RUNX2: variants seen among roughly 807,000 people sequenced by gnomAD.
RUNX2 encodes the protein runt-related transcription factor 2.
A neutral mutation model predicts 51.7 loss-of-function variants in RUNX2; 10 were observed. The ratio of observed to expected loss-of-function variants is 0.19; its 90% CI spans 0.12 to 0.33. The LOEUF (loss-of-function observed/expected upper bound fraction) is 0.33. Among genes scored for constraint, RUNX2 ranks in the 10% least tolerant of loss-of-function variants. RUNX2 has a pLI of 1.00. For missense variants in RUNX2, 562 were observed against 691.3 expected (o/e 0.81, Z 2.10); for synonymous variants, 276 against 273.6 (o/e 1.01, Z -0.09).
chr6:45,492,913 A>G (rs1800527978), intron 6 of RUNX2, among the ~76,000 whole-genome samples: 2 of 152,242 alleles, frequency 1.3e-5, no homozygotes, highest in South Asian at 4.1e-4. Flanking sequence ...GGAAGTTTAC[A>G]TGTCATCTAA....
chr6:45,358,898 A>G (rs1322282595), intron 2 of RUNX2, among the ~76,000 whole-genome samples: 2 of 152,150 alleles, frequency 1.3e-5, no homozygotes, highest in East Asian at 1.9e-4. Context: ...TTCAGAACAG[A>G]GACTGCCACT....
chr6:45,468,155 C>A (rs1322210834), intron 5 of RUNX2, among the ~76,000 whole-genome samples: 1 of 152,136 alleles, frequency 6.6e-6, no homozygotes, highest in East Asian at 1.9e-4. Flanking sequence ...ACATTTTAGC[C>A]CCGTACTTCT....
chr6:45,428,294 A>C (rs577789572), intron 3 of RUNX2, among the ~76,000 whole-genome samples: 41 of 152,264 alleles, frequency 2.7e-4, no homozygotes, highest in Non-Finnish European at 4.3e-4. Context: ...GAGAATCTCC[A>C]AGGGAAACTT....
intron 2 of RUNX2, among the ~76,000 whole-genome samples, chr6:45,413,678 C>G (rs1164980239): frequency 6.6e-6 from 1 of 152,096 alleles, no homozygotes; most frequent in African/African-American, 2.4e-5. Flanking sequence ...ATCCGCCAGC[C>G]TTGGCCTCCC....
intron 2 of RUNX2, among the ~76,000 whole-genome samples, chr6:45,386,676 G>A (rs981585613): frequency 6.6e-6 from 1 of 152,180 alleles, no homozygotes; most frequent in Non-Finnish European, 1.5e-5. Context: ...AGAAGATGAC[G>A]CATCACTCAG....
chr6:45,485,630 C>T (rs1800250049), intron 5 of RUNX2, among the ~76,000 whole-genome samples: 1 of 149,528 alleles, frequency 6.7e-6, no homozygotes, highest in South Asian at 2.1e-4. Context: ...TGATATCACA[C>T]ACATATATAG....
At chr6:45,532,625 C>T (rs1312215744) in intron 7 of RUNX2, among the ~76,000 whole-genome samples, 2 of 152,318 alleles carry the variant, frequency 1.3e-5, no homozygotes, top group African/African-American at 4.8e-5. Flanking sequence ...ATGACCTCTT[C>T]CTCCTCTGCA....
rs752571746 is a variant in RUNX2, at chr6:45,422,837, C to G, written c.303C>G (p.Thr101=). Reference sequence around the variant, plus strand: ...TGCGGCCGCCCCACGACAACCGCACCATGGTGGAGATCATCGCCGACCACC... The same window carrying G: ...TGCGGCCGCCCCACGACAACCGCACGATGGTGGAGATCATCGCCGACCACC... ...PRLRPPHDNR[T]MVEIIADHPA... is the part of the protein sequence containing the mutation. Residue 101 remains threonine, a synonymous_variant, in exon 3 of 9, where the codon ACC becomes ACG. Coordinates refer to ENST00000647337, the MANE Select transcript of RUNX2 (RefSeq NM_001024630.4). The G allele has an allele frequency of 2.5e-6, 4 of 1,610,340 alleles. No individual in the cohort carries two copies. Among genetic ancestry groups the G allele is most frequent in the South Asian group, 2.2e-5 (2 of 90,996 alleles).
rs774172072 is a variant in RUNX2 at position 45,422,693 on chromosome 6, ACAGCAGCAGCAGCAACAGCAG to A, written c.193_213del (p.Gln65_Gln71del). ...TGGTGGCTGCGCAACAGCAGCAGCA[ACAGCAGCAGCAGCAACAGCAG>A]CAGCAGCAGCAGCAACAGCAGCAGC... On this transcript the variant is annotated inframe_deletion, in exon 3 of 9. Transcript: ENST00000647337. The A allele has an allele frequency of 1.4e-3, 2,248 of 1,601,344 alleles. 2 individuals are homozygous for A. The highest frequency in any genetic ancestry group is 1.6e-3 in the Non-Finnish European group (1,884 of 1,174,998).
At chr6:45,540,945 A>G (rs1213183667) in intron 7 of RUNX2, among the ~76,000 whole-genome samples, 1 of 152,230 alleles carries the variant, frequency 6.6e-6, no homozygotes, top group Non-Finnish European at 1.5e-5. Context: ...CAAGTGATGC[A>G]ATAATGCTTG....
chr6:45,422,677 C>G lies in RUNX2; in HGVS notation c.143C>G (p.Ala48Gly). 6.2e-7 allele frequency: 1 copy of G among 1,605,376 alleles called. No homozygotes were observed. Among genetic ancestry groups the G allele is most frequent in the Non-Finnish European group, 8.5e-7 (1 of 1,176,878 alleles). ...KMSDVSPVVA[A>G]QQQQQQQQQQ... Reference sequence around the variant, plus strand: ...AGCGACGTGAGCCCGGTGGTGGCTGCGCAACAGCAGCAGCAACAGCAGCAG... The same window carrying G: ...AGCGACGTGAGCCCGGTGGTGGCTGGGCAACAGCAGCAGCAACAGCAGCAG... Residue 48 changes from alanine to glycine, a missense_variant, in exon 3 of 9, where the codon GCG becomes GGG. By Grantham distance (60) the Ala-to-Gly change is moderately conservative (BLOSUM62 0). Transcript: ENST00000647337.
chr6:45,547,465 G>T lies in RUNX2; in HGVS notation c.*160G>T. ...CATTCACTCACTCAGTCATGATCTT[G>T]CAGCCATAAGAGGGTAGATATTGAG... is the stretch of plus-strand genomic sequence containing the variant. On this transcript the variant is annotated 3_prime_UTR_variant, in exon 9 of 9. Coordinates refer to ENST00000647337, the MANE Select transcript of RUNX2 (RefSeq NM_001024630.4). 4.5e-6 allele frequency: 3 copies of T among 670,240 alleles called. No homozygotes were observed. Among genetic ancestry groups the T allele is most frequent in the East Asian group, 5.3e-5 (2 of 37,468 alleles). 41.5% of individuals were successfully genotyped at this position (670,240 alleles called of 1,614,324 possible).
chr6:45,393,745 TA>T (rs1467251907), intron 2 of RUNX2, among the ~76,000 whole-genome samples: 2 of 151,816 alleles, frequency 1.3e-5, no homozygotes, highest in African/African-American at 4.8e-5. Context: ...GGAAGATTTA[TA>T]AAGAAAAGAG....
At chr6:45,494,880 G>A (rs192534584) in intron 6 of RUNX2, among the ~76,000 whole-genome samples, 167 of 152,276 alleles carry the variant, frequency 1.1e-3, no homozygotes, top group Non-Finnish European at 9.6e-4. Context: ...GAAGAAAAGC[G>A]CTGTTCTTAG....
intron 6 of RUNX2, among the ~76,000 whole-genome samples, chr6:45,496,284 G>A (rs1484147355): frequency 6.6e-6 from 1 of 152,040 alleles, no homozygotes; most frequent in Non-Finnish European, 1.5e-5. Flanking sequence ...TTTTAGGGTG[G>A]GGGATGTACT....
At chr6:45,383,927 A>G (rs1052641883) in intron 2 of RUNX2, among the ~76,000 whole-genome samples, 3 of 152,256 alleles carry the variant, frequency 2.0e-5, no homozygotes, top group Non-Finnish European at 4.4e-5. Flanking sequence ...AATAGTAATC[A>G]GGGAACTGTA....
intron 6 of RUNX2, among the ~76,000 whole-genome samples, chr6:45,509,035 A>G (rs987617274): frequency 6.6e-6 from 1 of 152,128 alleles, no homozygotes; most frequent in Non-Finnish European, 1.5e-5. Flanking sequence ...TTTAATATTT[A>G]TTTTTAATAA....
At chr6:45,329,008 A>G (rs1786921328) in intron 2 of RUNX2, among the ~76,000 whole-genome samples, 1 of 152,036 alleles carries the variant, frequency 6.6e-6, no homozygotes, top group Non-Finnish European at 1.5e-5. Flanking sequence ...ACAAAATTAA[A>G]TTATCTCACA....
chr6:45,517,656 C>T (rs1328818721), intron 7 of RUNX2, among the ~76,000 whole-genome samples: 1 of 152,094 alleles, frequency 6.6e-6, no homozygotes, highest in African/African-American at 2.4e-5. Context: ...ACTTACTCAA[C>T]TGCACAGGAC....
Sources: gnomAD v4.1 joint callset for allele counts (sites outside exome capture counted in the v4.1 genomes callset) on GRCh38, gnomAD v4.1.1 for gene constraint, MANE v1.5 for transcripts, NCBI Gene and HGNC (gene_info 2026-07-23, HGNC 2026-07-21) for gene names.